Variants in AVEN observed in about 807,000 individuals in gnomAD.
The protein encoded by AVEN is cell death regulator Aven.
A neutral mutation model predicts 38.1 loss-of-function variants in AVEN; 41 were observed. The ratio of observed to expected loss-of-function variants is 1.08; its 90% CI spans 0.84 to 1.40. AVEN has a LOEUF of 1.40. Ranked by LOEUF, AVEN falls within the 40% of genes most tolerant of loss-of-function variation. The pLI, the probability that AVEN is intolerant of heterozygous loss-of-function variation, is 0.00. For synonymous variants in AVEN, 206 were observed against 171.8 expected, an observed-to-expected ratio of 1.20 and a Z score of -1.56; for missense variants, 605 against 438.8, an observed-to-expected ratio of 1.38 and a Z score of -3.38.
intron 2 of AVEN, among the ~76,000 whole-genome samples, chr15:33,971,240 A>T (rs1895625615): frequency 6.6e-6 from 1 of 152,060 alleles, no homozygotes; most frequent in African/African-American, 2.4e-5. Context: ...GTAGTCAATG[A>T]CCTGCCTACT....
chr15:34,040,221 GATA>G (rs1555519704), upstream of AVEN, among the ~76,000 whole-genome samples: 1 of 151,996 alleles, frequency 6.6e-6, no homozygotes, highest in Non-Finnish European at 1.5e-5. Flanking sequence ...CCACAAGGAA[GATA>G]ATCTAGTCGT....
intron 2 of AVEN, among the ~76,000 whole-genome samples, chr15:33,944,933 A>C (rs1324268313): frequency 1.3e-5 from 2 of 152,234 alleles, no homozygotes; most frequent in African/African-American, 4.8e-5. Flanking sequence ...TTAGCTTGGC[A>C]TACCAGGCAC....
At chr15:33,939,366 A>G (rs940929418) in intron 2 of AVEN, among the ~76,000 whole-genome samples, 1 of 152,280 alleles carries the variant, frequency 6.6e-6, no homozygotes, top group African/African-American at 2.4e-5. Context: ...AGCATAGGCT[A>G]GAAATCAGTA....
At chr15:33,936,216 G>C (rs1404444550) in intron 2 of AVEN, among the ~76,000 whole-genome samples, 1 of 151,648 alleles carries the variant, frequency 6.6e-6, no homozygotes, top group East Asian at 1.9e-4. Flanking sequence ...AAGATCAGTA[G>C]TAGAAAGGGA....
chr15:33,917,843 C>T (rs1893210306), intron 2 of AVEN, among the ~76,000 whole-genome samples: 1 of 152,148 alleles, frequency 6.6e-6, no homozygotes, highest in African/African-American at 2.4e-5. Context: ...GATAAGACTA[C>T]ACACTGGGTA....
downstream of AVEN, chr15:33,857,966 C>G: frequency 6.2e-7 from 1 of 1,605,448 alleles, no homozygotes; most frequent in African/African-American, 1.3e-5. Flanking sequence ...GGCCACCCCG[C>G]CCCACCACCT....
intron 11 of AVEN, among the ~76,000 whole-genome samples, chr15:33,860,309 T>C (rs993647334): frequency 1.3e-5 from 2 of 151,800 alleles, no homozygotes; most frequent in East Asian, 1.9e-4. Flanking sequence ...TGAACACAAA[T>C]AGCTAAGCAA....
intron 2 of AVEN, among the ~76,000 whole-genome samples, chr15:33,930,350 A>T (rs1042447030): frequency 1.3e-5 from 2 of 152,072 alleles, no homozygotes; most frequent in Non-Finnish European, 2.9e-5. Context: ...ACAAAAAAAA[A>T]AAAAATGTAA....
chr15:34,042,969 C>T (rs1404216663), upstream of AVEN, among the ~76,000 whole-genome samples: 1 of 151,886 alleles, frequency 6.6e-6, no homozygotes, highest in Admixed American at 6.6e-5. Context: ...ATGGATTGGC[C>T]AGGCGCGGTG....
intron 2 of AVEN, among the ~76,000 whole-genome samples, chr15:33,916,707 G>A (rs1435384683): frequency 6.6e-6 from 1 of 152,058 alleles, no homozygotes; most frequent in African/African-American, 2.4e-5. Context: ...CATGGATGTG[G>A]TGAAAAGGGA....
chr15:33,854,539 C>A, downstream of AVEN: 1 of 1,171,558 alleles, frequency 8.5e-7, no homozygotes, highest in Non-Finnish European at 1.2e-6. Flanking sequence ...CAGAAGGGTT[C>A]AGGGATTGCT....
chr15:33,891,340 G>A (rs879497924), intron 2 of AVEN, among the ~76,000 whole-genome samples: 5 of 152,056 alleles, frequency 3.3e-5, no homozygotes, highest in Non-Finnish European at 5.9e-5. Flanking sequence ...CCATTAACTC[G>A]TCATTTACAT....
chr15:33,912,920 G>A (rs183087737), intron 2 of AVEN, among the ~76,000 whole-genome samples: 2,294 of 146,024 alleles, frequency 0.016, 26 homozygotes, highest in African/African-American at 0.027. Flanking sequence ...ACAGAGTTTC[G>A]CTCTTGTTGC....
intron 2 of AVEN, among the ~76,000 whole-genome samples, chr15:34,068,842 C>T (rs1324326601): frequency 3.0e-5 from 4 of 133,064 alleles, no homozygotes; most frequent in Admixed American, 8.4e-5. Flanking sequence ...GACGGAGTCT[C>T]GCTCCTTTGC....
At chr15:34,008,975 C>T (rs1363394840) in intron 1 of AVEN, among the ~76,000 whole-genome samples, 1 of 150,020 alleles carries the variant, frequency 6.7e-6, no homozygotes, top group Non-Finnish European at 1.5e-5. Context: ...CACACACACA[C>T]AGACCATCGA....
chr15:33,898,196 A>G (rs1275477314), intron 2 of AVEN, among the ~76,000 whole-genome samples: 1 of 152,192 alleles, frequency 6.6e-6, no homozygotes. Context: ...CTCAAAACAA[A>G]ACAAAACAGC....
chr15:33,864,866 G>T (rs1045773485), downstream of AVEN: 2 of 417,042 alleles, frequency 4.8e-6, no homozygotes, highest in Admixed American at 8.0e-5. Context: ...AGTATGTTTA[G>T]TGGCAAACAT....
intron 1 of AVEN, among the ~76,000 whole-genome samples, chr15:34,018,887 AAC>A (rs1219174245): frequency 7.0e-6 from 1 of 143,414 alleles, no homozygotes; most frequent in African/African-American, 2.9e-5. Flanking sequence ...CCTTTAGCTA[AAC>A]ACAGAGTGCT....
intron 1 of AVEN, among the ~76,000 whole-genome samples, chr15:34,029,808 A>G (rs994545183): frequency 6.6e-6 from 1 of 152,224 alleles, no homozygotes; most frequent in Non-Finnish European, 1.5e-5. Flanking sequence ...TAATAATATA[A>G]GACTAATCTT....
Sources: allele counts gnomAD v4.1 joint callset (sites outside exome capture counted in the v4.1 genomes callset), GRCh38; gene constraint gnomAD v4.1.1; transcripts MANE v1.5; gene names NCBI Gene and HGNC (gene_info 2026-07-23, HGNC 2026-07-21).